Variants in CCDC66 observed in about 807,000 individuals in gnomAD.
CCDC66 encodes coiled-coil domain containing 66.
In CCDC66, 133 loss-of-function variants were observed where a neutral mutation model predicts 128.3. The ratio of observed to expected loss-of-function variants is 1.04; its 90% CI spans 0.90 to 1.20. The LOEUF (loss-of-function observed/expected upper bound fraction) is 1.20. CCDC66 is among the 50% of genes most tolerant of loss of function. The pLI, the probability that CCDC66 is intolerant of heterozygous loss-of-function variation, is 0.00. For synonymous variants in CCDC66, 387 were observed against 357.0 expected, an observed-to-expected ratio of 1.08 and a Z score of -0.95; for missense variants, 1,126 against 1,075.5, an observed-to-expected ratio of 1.05 and a Z score of -0.66.
At chr3:56,562,051 T>C (rs1378166799) in intron 3 of CCDC66, among the ~76,000 whole-genome samples, 1 of 152,088 alleles carries the variant, frequency 6.6e-6, no homozygotes, top group Middle Eastern at 3.2e-3. Context: ...CTTTTTTTTT[T>C]TCTTTTTTGA....
chr3:56,614,335 T>A (rs2317134), intron 11 of CCDC66, among the ~76,000 whole-genome samples: 1 of 152,006 alleles, frequency 6.6e-6, no homozygotes, highest in Non-Finnish European at 1.5e-5. Context: ...CTCCTAGTTT[T>A]TTTGCTTCAT....
chr3:56,598,025 C>G (rs2072421998), intron 10 of CCDC66, among the ~76,000 whole-genome samples: 1 of 151,828 alleles, frequency 6.6e-6, no homozygotes, highest in South Asian at 2.1e-4. Flanking sequence ...ATCCACCCGC[C>G]TTGGCCTCCC....
chr3:56,557,214 G>C lies in CCDC66; in HGVS notation c.-29G>C. The C allele has an allele frequency of 6.4e-7, 1 of 1,551,264 alleles. No homozygotes were observed. Among genetic ancestry groups the C allele is most frequent in the Non-Finnish European group, 8.7e-7 (1 of 1,146,974 alleles). ...ACCGACGTACACAAGGGGCTTGAGC[G>C]TTCTGTGGAGAGAGTGCGAGGTCAG... On this transcript the variant is annotated 5_prime_UTR_variant, in exon 1 of 18. Transcript: ENST00000394672.
chr3:56,571,104 TAAG>T (rs2066554303), intron 6 of CCDC66, 74 bp from the exon 7 acceptor site: 2 of 1,099,436 alleles, frequency 1.8e-6, no homozygotes, highest in African/African-American at 1.6e-5. Context: ...GTATCTGCAT[TAAG>T]AAGGTCAGAT....
At chr3:56,576,347 T>G (rs1236942229) in intron 7 of CCDC66, among the ~76,000 whole-genome samples, 1 of 151,504 alleles carries the variant, frequency 6.6e-6, no homozygotes, top group Non-Finnish European at 1.5e-5. Flanking sequence ...GTATTTTTTC[T>G]TTTTGATGCC....
chr3:56,569,626 T>C (rs2066361891), intron 6 of CCDC66: 1 of 150,338 alleles, frequency 6.7e-6, no homozygotes, highest in Non-Finnish European at 1.5e-5. Context: ...ATATCCAAAC[T>C]GTATCATCAA....
Position 56,567,032 on chromosome 3 carries a change from G to T in CCDC66, c.793G>T (p.Ala265Ser), listed in dbSNP as rs997361818. Residue 265 changes from alanine to serine, a missense_variant, in exon 6 of 18, where the codon GCC becomes TCC. Physicochemically the swap from Ala to Ser is moderately conservative, Grantham distance 99. Transcript: ENST00000394672. ...CDRSSLEAKK[A>S]QWRKELDEQV... ...TAGAAGTTCGTTGGAAGCAAAAAAA[G>T]CCCAGTGGAGGAAAGAGCTAGGTAG... The T allele has an allele frequency of 1.2e-6, 2 of 1,613,616 alleles. No homozygotes were observed. The highest frequency in any genetic ancestry group is 1.7e-6 in the Non-Finnish European group (2 of 1,179,550).
At position 56,564,144 on chromosome 3, in the gene CCDC66, T is replaced by A; in HGVS notation, c.544+19T>A. ...GCAAAAAGTAAGATTTTTCTAAAGT[T>A]TTCATGAATTTTGATTTTTTCAATA... On this transcript the variant is annotated intron_variant, in intron 4 of 17. Coordinates refer to ENST00000394672, the MANE Select transcript of CCDC66 (RefSeq NM_001141947.3). 2 of 1,561,340 alleles carry A rather than the reference T, an allele frequency of 1.3e-6. No individual in the cohort carries two copies. Among genetic ancestry groups the A allele is most frequent in the East Asian group, 2.3e-5 (1 of 44,420 alleles).
rs148717104 is a variant in CCDC66, at chr3:56,605,900, C to T, written c.1405-7689C>T. On this transcript the variant is annotated intron_variant, in intron 10 of 17. Transcript: ENST00000394672. ...ACCCCTTCCCCCTGGTGCTCTGCCT[C>T]AGAGAGGTAGGGGTTTTATCTATAA... 9.5e-3 allele frequency among the ~76,000 whole-genome samples: 1,445 copies of T among 152,170 alleles called. 45 individuals are homozygous for T. The highest frequency in any genetic ancestry group is 0.032 in the African/African-American group (1,334 of 41,434).
In CCDC66 at chr3:56,619,255, T is replaced by C; in HGVS notation, c.2379-16T>C. ...AATCTAAATACACAATTTTTTACTA[T>C]TTTTTTTTTAAATAGGTCTCCATCA... On this transcript the variant is annotated splice_polypyrimidine_tract_variant and intron_variant, in intron 15 of 17. Coordinates refer to ENST00000394672, the MANE Select transcript of CCDC66 (RefSeq NM_001141947.3). The C allele has an allele frequency of 7.6e-7, 1 of 1,311,026 alleles. No homozygotes were observed. Among genetic ancestry groups the C allele is most frequent in the Non-Finnish European group, 1.0e-6 (1 of 968,324 alleles). 81.2% of individuals were successfully genotyped at this position (1,311,026 alleles called of 1,614,324 possible). A position where few individuals can be genotyped will look rare whatever the true frequency, so the allele number is the denominator to read the frequency against.
At chr3:56,582,864 A>G (rs1422353189) in intron 7 of CCDC66, among the ~76,000 whole-genome samples, 1 of 145,214 alleles carries the variant, frequency 6.9e-6, no homozygotes, top group Non-Finnish European at 1.5e-5. Context: ...TATTATTATT[A>G]TTATTATTAT....
chr3:56,614,101 A>G (rs1055043092), intron 11 of CCDC66, among the ~76,000 whole-genome samples: 17 of 152,342 alleles, frequency 1.1e-4, no homozygotes, highest in Admixed American at 1.0e-3. Context: ...TTTAAAGGAA[A>G]AATAACCAGA....
intron 11 of CCDC66, among the ~76,000 whole-genome samples, chr3:56,614,581 A>G (rs2075267352): frequency 3.3e-5 from 5 of 152,320 alleles, no homozygotes; most frequent in South Asian, 2.1e-4. Flanking sequence ...TGGTGGTACC[A>G]TATTTGAGCT....
chr3:56,558,337 A>G (rs1162974911), intron 1 of CCDC66, among the ~76,000 whole-genome samples: 1 of 152,222 alleles, frequency 6.6e-6, no homozygotes, highest in Non-Finnish European at 1.5e-5. Flanking sequence ...CGTATAAAGC[A>G]CCATACTAAA....
chr3:56,565,697 C>G (rs993556398), intron 4 of CCDC66, among the ~76,000 whole-genome samples: 1 of 151,352 alleles, frequency 6.6e-6, no homozygotes, highest in Non-Finnish European at 1.5e-5. Flanking sequence ...GCTGGAGTCT[C>G]GCTGCATCGC....
chr3:56,610,407 A>T (rs566241439), intron 10 of CCDC66, among the ~76,000 whole-genome samples: 1 of 152,114 alleles, frequency 6.6e-6, no homozygotes, highest in Non-Finnish European at 1.5e-5. Flanking sequence ...GTGTGTCCAA[A>T]GTTTCCTGAA....
At chr3:56,589,727 A>T (rs528116101) in intron 7 of CCDC66, among the ~76,000 whole-genome samples, 2 of 152,312 alleles carry the variant, frequency 1.3e-5, no homozygotes, top group African/African-American at 4.8e-5. Flanking sequence ...TTAATATTAT[A>T]AAATAGAGGG....
rs556641900 is a variant in CCDC66, at chr3:56,596,680, T to C, written c.1404+2652T>C. On this transcript the variant is annotated intron_variant, in intron 10 of 17. Coordinates refer to ENST00000394672, the MANE Select transcript of CCDC66 (RefSeq NM_001141947.3). ...CGACCACAAACTCTATACCAGTGTC[T>C]TGAAGTGTTTTCCGTATGTTTTCTT... 1.3e-4 allele frequency among the ~76,000 whole-genome samples: 20 copies of C among 152,104 alleles called. 1 individual carries two copies. The East Asian group carries it at 2.3e-3, about 18-fold the overall frequency.
intron 7 of CCDC66, among the ~76,000 whole-genome samples, chr3:56,577,390 G>A (rs1298822412): frequency 1.3e-5 from 2 of 151,742 alleles, no homozygotes; most frequent in Admixed American, 1.3e-4. Flanking sequence ...TACTCTGATG[G>A]TAGTTTCTTT....
Sources: gnomAD v4.1 joint callset for allele counts (sites outside exome capture counted in the v4.1 genomes callset) on GRCh38, gnomAD v4.1.1 for gene constraint, MANE v1.5 for transcripts, NCBI Gene and HGNC (gene_info 2026-07-23, HGNC 2026-07-21) for gene names.